Variants in GTF2A1L observed in about 807,000 individuals in gnomAD.
GTF2A1L encodes the protein TFIIA-alpha and beta-like factor.
In GTF2A1L, 48 loss-of-function variants were observed where a neutral mutation model predicts 49.7. The ratio of observed to expected loss-of-function variants is 0.97; its 90% CI spans 0.77 to 1.23. The LOEUF is 1.23. GTF2A1L is among the 50% of genes most tolerant of loss of function. GTF2A1L has a pLI of 0.00. For synonymous variants in GTF2A1L, 246 were observed against 193.5 expected (o/e 1.27, Z -2.25); for missense variants, 736 against 564.8 (o/e 1.30, Z -3.07).
chr2:48,667,195 G>A (rs1380071247), intron 6 of GTF2A1L, among the ~76,000 whole-genome samples: 1 of 151,484 alleles, frequency 6.6e-6, no homozygotes, highest in Non-Finnish European at 1.5e-5. Flanking sequence ...CTGGGCTCAA[G>A]CAATCTGCCA....
rs572806766 is a variant in GTF2A1L at position 48,646,948 on chromosome 2, A to G, written c.884A>G (p.Gln295Arg). 8.1e-6 allele frequency: 13 copies of G among 1,614,170 alleles called. No individual in the cohort carries two copies. The highest frequency in any genetic ancestry group is 1.6e-4 in the Middle Eastern group (1 of 6,062). The change falls in exon 6 of 9, where the codon CAG (glutamine) becomes CGG (arginine). Residue 295 changes from glutamine to arginine, a missense_variant. By Grantham distance (43) the Gln-to-Arg change is conservative. Transcript: ENST00000403751. ...CTCCACCAGCACGTGACTGATATTC[A>G]GCTTCATATTCTTAAAAATAGGATG... ...GALHQHVTDI[Q>R]LHILKNRMYG...
rs1677560387 is a variant in GTF2A1L, at chr2:48,647,056, T to C, written c.978+14T>C. ...GTATCAGAGAAGGTATAGTTCTGTG[T>C]CCAACTTCTTGGTATCAGGGGACAG... On this transcript the variant is annotated intron_variant, in intron 6 of 8. Coordinates refer to ENST00000403751, the MANE Select transcript of GTF2A1L (RefSeq NM_006872.5). 1 of 1,560,478 alleles carries C rather than the reference T, an allele frequency of 6.4e-7. No homozygotes were observed. Among genetic ancestry groups the C allele is most frequent in the Admixed American group, 1.9e-5 (1 of 52,664 alleles).
chr2:48,673,717 A>T (rs1679298808), intron 8 of GTF2A1L, among the ~76,000 whole-genome samples: 1 of 152,130 alleles, frequency 6.6e-6, no homozygotes, highest in Non-Finnish European at 1.5e-5. Context: ...GGACAGTCAT[A>T]CCGAAGTATG....
intron 6 of GTF2A1L, among the ~76,000 whole-genome samples, chr2:48,660,393 A>G (rs1403923901): frequency 6.6e-6 from 1 of 152,034 alleles, no homozygotes; most frequent in Non-Finnish European, 1.5e-5. Context: ...TAGTGAAGAC[A>G]TTTGGTTCTG....
rs577470794 is a variant in GTF2A1L at position 48,627,634 on chromosome 2, G to C, written c.247+6344G>C. On this transcript the variant is annotated intron_variant, in intron 3 of 8. Coordinates refer to ENST00000403751, the MANE Select transcript of GTF2A1L (RefSeq NM_006872.5). ...TTTATGTTTAAAAAAATGTCTGCCA[G>C]ATACCCAGTTTGAATAACTATAGTT... 1.7e-4 allele frequency among the ~76,000 whole-genome samples: 24 copies of C among 144,274 alleles called. 3 individuals are homozygous for C. In the South Asian group the frequency reaches 2.8e-3, roughly 17 times the overall value. The allele number at this position is 144,274 out of a possible 152,430, so 94.6% of individuals were successfully genotyped here. A position where few individuals can be genotyped will look rare whatever the true frequency, so the allele number is the denominator to read the frequency against.
chr2:48,665,838 C>T (rs1332507931), intron 6 of GTF2A1L, among the ~76,000 whole-genome samples: 2 of 151,972 alleles, frequency 1.3e-5, no homozygotes, highest in Middle Eastern at 3.2e-3. Flanking sequence ...TTGCATTGTC[C>T]AGGGTTTCCA....
intron 3 of GTF2A1L, among the ~76,000 whole-genome samples, chr2:48,636,340 A>G (rs568991369): frequency 6.6e-6 from 1 of 152,332 alleles, no homozygotes; most frequent in East Asian, 1.9e-4. Context: ...TATACTTGCT[A>G]GTTGAAATTT....
intron 6 of GTF2A1L, among the ~76,000 whole-genome samples, chr2:48,649,586 T>C (rs1419287722): frequency 6.6e-6 from 1 of 152,176 alleles, no homozygotes; most frequent in Non-Finnish European, 1.5e-5. Context: ...ACCATGTAAT[T>C]GTGGTAGGAT....
intron 6 of GTF2A1L, among the ~76,000 whole-genome samples, chr2:48,653,121 T>G (rs1200468506): frequency 6.7e-6 from 1 of 148,234 alleles, no homozygotes; most frequent in African/African-American, 2.5e-5. Context: ...CTCGGGAGGC[T>G]GAGGCAGGAG....
At chr2:48,662,301 A>G (rs1217549715) in intron 6 of GTF2A1L, among the ~76,000 whole-genome samples, 1 of 152,210 alleles carries the variant, frequency 6.6e-6, no homozygotes, top group Non-Finnish European at 1.5e-5. Context: ...AACTAAAATT[A>G]TGTTAACACT....
At chr2:48,647,177 T>G in intron 6 of GTF2A1L, 135 bp downstream of exon 6, 2 of 859,662 alleles carry the variant, frequency 2.3e-6, no homozygotes, top group Non-Finnish European at 3.3e-6. Context: ...GATTATTTCT[T>G]TTTTCTAGTG....
chr2:48,657,898 ATCT>A (rs1251663803), intron 6 of GTF2A1L, among the ~76,000 whole-genome samples: 2 of 151,868 alleles, frequency 1.3e-5, no homozygotes, highest in Non-Finnish European at 2.9e-5. Flanking sequence ...CTGCTTCTAT[ATCT>A]TCTTTTGAGA....
chr2:48,624,163 C>G (rs1192644496), intron 3 of GTF2A1L, among the ~76,000 whole-genome samples: 1 of 122,816 alleles, frequency 8.1e-6, no homozygotes, highest in Non-Finnish European at 1.9e-5. Flanking sequence ...CCTTTAAGCT[C>G]ATAAAAATTA....
chr2:48,650,526 A>G (rs1324433448), intron 6 of GTF2A1L, among the ~76,000 whole-genome samples: 1 of 152,190 alleles, frequency 6.6e-6, no homozygotes, highest in East Asian at 1.9e-4. Context: ...TTCTAAGTCC[A>G]CACATATTCC....
rs138366256 is a variant in GTF2A1L at position 48,621,236 on chromosome 2, C to G, written c.193C>G (p.Leu65Val). Reference sequence around the variant, plus strand: ...CTTCAGAAATAGCATCCAATCACCTCTGTTTACTCTTCAGTTGCCGCACAG... The same window carrying G: ...CTTCAGAAATAGCATCCAATCACCTGTGTTTACTCTTCAGTTGCCGCACAG... ...DFFRNSIQSP[L>V]FTLQLPHSLH... Residue 65 changes from leucine (L) to valine (V), a missense_variant, in exon 3 of 9, where the codon CTG becomes GTG. Transcript: ENST00000403751. 4 of 1,614,018 alleles carry G rather than the reference C, an allele frequency of 2.5e-6. No individual in the cohort carries two copies. Among genetic ancestry groups the G allele is most frequent in the East Asian group, 4.5e-5 (2 of 44,882 alleles).
chr2:48,646,790 C>T lies in GTF2A1L; in HGVS notation c.726C>T (p.Ile242=). Residue 242 remains isoleucine, a synonymous_variant, in exon 6 of 9, where the codon ATC becomes ATT. Coordinates refer to ENST00000403751, the MANE Select transcript of GTF2A1L (RefSeq NM_006872.5). ...LLCHQESSHY[I]SLPGVVFSPQ... ...GTCATCAGGAAAGTTCTCACTATAT[C>T]AGTCTTCCAGGTGTTGTATTTTCTC... 2 of 1,614,216 alleles carry T rather than the reference C, an allele frequency of 1.2e-6. No homozygotes were observed. Among genetic ancestry groups the T allele is most frequent in the Non-Finnish European group, 1.7e-6 (2 of 1,180,042 alleles).
intron 8 of GTF2A1L, among the ~76,000 whole-genome samples, chr2:48,677,901 C>T (rs555653183): frequency 1.3e-5 from 2 of 151,648 alleles, no homozygotes; most frequent in Admixed American, 1.3e-4. Flanking sequence ...AATAAGTGGT[C>T]ATTTCCCAGT....
chr2:48,618,894 C>T (rs771271954), intron 1 of GTF2A1L, among the ~76,000 whole-genome samples: 2 of 152,098 alleles, frequency 1.3e-5, no homozygotes, highest in Non-Finnish European at 2.9e-5. Flanking sequence ...AAACTGTGTT[C>T]TAATGGGTAC....
In GTF2A1L at chr2:48,620,797, A is replaced by ATAAATAAG. The variant is rs1340208808; in HGVS notation, c.22-47_22-46insGTAAATAA. Reference sequence around the variant, plus strand: ...ATCTCAAGAATAAATAAATAAATAAATAAATAAATAAATAAATAAATAAAA... The same window carrying ATAAATAAG: ...ATCTCAAGAATAAATAAATAAATAAATAAATAAGTAAATAAATAAATAAATAAATAAAA... On this transcript the variant is annotated intron_variant, in intron 1 of 8. Coordinates refer to ENST00000403751, the MANE Select transcript of GTF2A1L (RefSeq NM_006872.5). The ATAAATAAG allele has an allele frequency of 7.4e-6, 7 of 947,190 alleles. No homozygotes were observed. The East Asian group carries it at 3.4e-4, about 46-fold the overall frequency. The allele number at this position is 947,190 out of a possible 1,614,324, so 58.7% of individuals were successfully genotyped here.
Sources: gnomAD v4.1 joint callset for allele counts (sites outside exome capture counted in the v4.1 genomes callset) on GRCh38, gnomAD v4.1.1 for gene constraint, MANE v1.5 for transcripts, NCBI Gene and HGNC (gene_info 2026-07-23, HGNC 2026-07-21) for gene names.